Variants in SLC5A10 observed in about 807,000 individuals in gnomAD.
The protein encoded by SLC5A10 is solute carrier family 5 member 10.
A neutral mutation model predicts 68.9 loss-of-function variants in SLC5A10; 55 were observed. The observed-to-expected ratio is 0.80, with a 90% CI of 0.64 to 1.00. The LOEUF (loss-of-function observed/expected upper bound fraction) is 1.00, where lower values mean the gene tolerates loss of function less well. SLC5A10 is among the 50% of genes least tolerant of loss of function. The probability of loss-of-function intolerance (pLI) is 0.00; values close to 1 mark genes in which losing one functional copy is unlikely to be tolerated. For missense variants in SLC5A10, 732 were observed against 819.3 expected (o/e 0.89, Z 1.30); for synonymous variants, 344 against 344.8 (o/e 1.00, Z 0.02).
chr17:18,995,419 A>C (rs79483384), intron 9 of SLC5A10, among the ~76,000 whole-genome samples: 61 of 152,362 alleles, frequency 4.0e-4, no homozygotes, highest in African/African-American at 1.4e-3. Context: ...ATGTAAGTAG[A>C]AACTGTCCAA....
At position 19,019,750 on chromosome 17, in the gene SLC5A10, GGGCCACGA is replaced by G. The variant is rs904805729; in HGVS notation, c.1452_1459del (p.Thr485GlyfsTer57). 1 of 1,612,284 alleles carries G rather than the reference GGGCCACGA, an allele frequency of 6.2e-7. No homozygotes were observed. Among genetic ancestry groups the G allele is most frequent in the Non-Finnish European group, 8.5e-7 (1 of 1,179,738 alleles). ...GGCCTGATAGCAGGGCTGGTGGTGG[GGGCCACGA>G]GGCTGGTCCTGGAATTCCTGAACCC... is the stretch of plus-strand genomic sequence containing the variant. On this transcript the variant is annotated frameshift_variant, in exon 13 of 15. Coordinates refer to ENST00000395645, the MANE Select transcript of SLC5A10 (RefSeq NM_001042450.4). LOFTEE classifies it high-confidence loss of function.
At chr17:19,001,142 G>A (rs1055081688) in intron 9 of SLC5A10, among the ~76,000 whole-genome samples, 4 of 152,176 alleles carry the variant, frequency 2.6e-5, no homozygotes, top group Admixed American at 1.3e-4. Context: ...ATTATAAAGC[G>A]CCTCGCACTC....
intron 9 of SLC5A10, among the ~76,000 whole-genome samples, chr17:18,988,036 A>C (rs774287854): frequency 1.3e-5 from 2 of 152,240 alleles, no homozygotes; most frequent in African/African-American, 2.4e-5. Flanking sequence ...TGTTTATTTT[A>C]TCTCTGCCAC....
At chr17:18,979,653 G>A (rs541878696) in intron 9 of SLC5A10, 138 of 1,613,418 alleles carry the variant, frequency 8.6e-5, no homozygotes, top group Non-Finnish European at 1.1e-4. Context: ...CAGTTCCCCC[G>A]CTGCTCCGCA....
At chr17:18,973,910 A>T (rs1198377378) in intron 8 of SLC5A10, among the ~76,000 whole-genome samples, 7 of 61,200 alleles carry the variant, frequency 1.1e-4, no homozygotes, top group Admixed American at 6.7e-4. Flanking sequence ...TTTTTTTCCC[A>T]GAGACATAGT....
intron 1 of SLC5A10, chr17:18,953,679 T>C (rs1024103744): frequency 6.6e-6 from 1 of 152,514 alleles, no homozygotes; most frequent in African/African-American, 2.4e-5. Context: ...ATTATAAGAG[T>C]AGCAGCCGCA....
chr17:19,009,542 G>A (rs1050883331), intron 9 of SLC5A10, among the ~76,000 whole-genome samples: 2 of 152,192 alleles, frequency 1.3e-5, no homozygotes, highest in African/African-American at 4.8e-5. Flanking sequence ...TTGTACTCAG[G>A]TCTGGGAGCC....
At chr17:19,010,563 C>A (rs2043992407) in intron 9 of SLC5A10, among the ~76,000 whole-genome samples, 1 of 152,224 alleles carries the variant, frequency 6.6e-6, no homozygotes, top group Non-Finnish European at 1.5e-5. Flanking sequence ...AACACTTGGT[C>A]AAACCAGTGG....
At chr17:18,959,024 T>G (rs2042560586) in intron 2 of SLC5A10, 111 bp from the exon 3 acceptor site, 1 of 1,060,764 alleles carries the variant, frequency 9.4e-7, no homozygotes, top group African/African-American at 1.6e-5. Flanking sequence ...ATCCGTGAGG[T>G]GGGGCTAGGA....
intron 5 of SLC5A10, among the ~76,000 whole-genome samples, chr17:18,965,647 C>T (rs116026550): frequency 6.8e-4 from 103 of 152,350 alleles, no homozygotes; most frequent in African/African-American, 2.3e-3. Context: ...ATCAGTCCCA[C>T]GCTGCACCAC....
chr17:18,980,926 C>T (rs762483008), intron 9 of SLC5A10, among the ~76,000 whole-genome samples: 1 of 152,084 alleles, frequency 6.6e-6, no homozygotes, highest in South Asian at 2.1e-4. Flanking sequence ...AGTCTCACTC[C>T]CTCCCGAGGG....
At chr17:19,001,348 A>G (rs2043724625) in intron 9 of SLC5A10, among the ~76,000 whole-genome samples, 1 of 152,094 alleles carries the variant, frequency 6.6e-6, no homozygotes. Flanking sequence ...TCAGATGAGG[A>G]GCTTAGTCTC....
chr17:18,960,796 G>A, intron 5 of SLC5A10, 144 bp downstream of exon 5: 1 of 821,302 alleles, frequency 1.2e-6, no homozygotes, highest in South Asian at 1.6e-5. Flanking sequence ...GCAATGACTT[G>A]CCCAGGGTCA....
intron 9 of SLC5A10, among the ~76,000 whole-genome samples, chr17:19,008,246 CTA>C: frequency 6.6e-6 from 1 of 152,258 alleles, no homozygotes; most frequent in Non-Finnish European, 1.5e-5. Context: ...CCTCTTAACT[CTA>C]TTTTAGTTTT....
At chr17:19,005,358 G>A (rs60269272) in intron 9 of SLC5A10, among the ~76,000 whole-genome samples, 3,188 of 152,274 alleles carry the variant, frequency 0.021, 95 homozygotes, top group African/African-American at 0.067. Context: ...GTGGGCTGGG[G>A]TCAGGCCCAG....
Position 19,000,514 on chromosome 17 carries a change from A to C in SLC5A10, c.983-12896A>C, listed in dbSNP as rs2043704204. Among the ~76,000 whole-genome samples the C allele has an allele frequency of 6.6e-6, 1 of 152,156 alleles. No individual in the cohort carries two copies. The highest frequency in any genetic ancestry group is 2.4e-5 in the African/African-American group (1 of 41,422). On this transcript the variant is annotated intron_variant, in intron 9 of 14. Transcript: ENST00000395645. The surrounding 1 kb of genome is among the most constrained non-coding windows in gnomAD (Gnocchi z 5.2). ...TTTGGGAACAGGGGGGACTGACAGC[A>C]GTCCTGACAGGAACACAGCCGCTCC...
chr17:18,974,116 C>A (rs1273477759), intron 8 of SLC5A10, among the ~76,000 whole-genome samples: 1 of 152,166 alleles, frequency 6.6e-6, no homozygotes, highest in African/African-American at 2.4e-5. Context: ...TGGTCTCGAA[C>A]TCCTGACCTC....
At position 19,004,071 on chromosome 17, in the gene SLC5A10, G is replaced by C. The variant is rs1025889067; in HGVS notation, c.983-9339G>C. On this transcript the variant is annotated intron_variant, in intron 9 of 14. Transcript: ENST00000395645. The surrounding 1 kb of genome is among the most constrained non-coding windows in gnomAD (Gnocchi z 5.4). Reference sequence around the variant, plus strand: ...CCGCCTGCCCGGGCACTGCTGCCGGGGGTGGGTGGGCAAGGTCCAGCTCCT... The same window carrying C: ...CCGCCTGCCCGGGCACTGCTGCCGGCGGTGGGTGGGCAAGGTCCAGCTCCT... 2 of 1,554,234 alleles carry C rather than the reference G, an allele frequency of 1.3e-6. No homozygotes were observed. The highest frequency in any genetic ancestry group is 1.4e-5 in the African/African-American group (1 of 73,278).
Position 19,019,911 on chromosome 17 carries a change from C to T in SLC5A10, c.1609C>T (p.Pro537Ser), listed in dbSNP as rs1212277524. The T allele has an allele frequency of 2.5e-6, 4 of 1,607,730 alleles. No homozygotes were observed. The highest frequency in any genetic ancestry group is 3.4e-6 in the Non-Finnish European group (4 of 1,178,050). ...GGTGGCTGGAAGCCTGCTGACCCCA[C>T]CCCCACAGAGTGTCCAGGTGAGCCA... Reference protein sequence around the residue: ...VVVAGSLLTPPPQSVQIENLT... With the variant: ...VVVAGSLLTPSPQSVQIENLT... Residue 537 changes from proline to serine, a missense_variant, in exon 13 of 15, where the codon CCC becomes TCC. Transcript: ENST00000395645.
Sources: gnomAD v4.1 joint callset for allele counts (sites outside exome capture counted in the v4.1 genomes callset) on GRCh38, gnomAD v4.1.1 for gene constraint, Gnocchi (gnomAD v3.1) non-coding constraint, MANE v1.5 for transcripts, NCBI Gene and HGNC (gene_info 2026-07-23, HGNC 2026-07-21) for gene names.